GRIA1: variants seen among roughly 807,000 people sequenced by gnomAD.
GRIA1 encodes the protein glutamate ionotropic receptor AMPA type subunit 1.
Under a neutral mutation model 99.2 loss-of-function variants are expected in GRIA1, and 31 were observed. That is an observed-to-expected ratio of 0.31 (90% confidence interval 0.23 to 0.42). The LOEUF (loss-of-function observed/expected upper bound fraction) is 0.42, where lower values mean the gene tolerates loss of function less well. GRIA1 is among the 10% of genes least tolerant of loss of function. GRIA1 has a pLI of 1.00. For synonymous variants in GRIA1, 438 were observed against 432.4 expected, an observed-to-expected ratio of 1.01 and a Z score of -0.16; for missense variants, 782 against 1,157.5, an observed-to-expected ratio of 0.68 and a Z score of 4.71.
intron 13 of GRIA1, among the ~76,000 whole-genome samples, chr5:153,778,372 C>A (rs1764409334): frequency 6.6e-6 from 1 of 151,992 alleles, no homozygotes; most frequent in South Asian, 2.1e-4. Flanking sequence ...GTGGCAAGCG[C>A]TTTATTTAGC....
At chr5:153,558,407 C>T (rs748430799) in intron 2 of GRIA1, among the ~76,000 whole-genome samples, 3 of 152,048 alleles carry the variant, frequency 2.0e-5, no homozygotes, top group Non-Finnish European at 4.4e-5. Flanking sequence ...CCCCTGCAAC[C>T]CCAGCCTCTG....
chr5:153,491,635 T>A (rs1379820346), intron 1 of GRIA1, among the ~76,000 whole-genome samples: 1 of 152,046 alleles, frequency 6.6e-6, no homozygotes, highest in Non-Finnish European at 1.5e-5. Flanking sequence ...GCCTGCCTTT[T>A]CTCCGTTCCT....
At chr5:153,743,529 G>A (rs1255711338) in intron 11 of GRIA1, among the ~76,000 whole-genome samples, 2 of 152,104 alleles carry the variant, frequency 1.3e-5, no homozygotes, top group East Asian at 3.9e-4. Context: ...TGCCACTGGG[G>A]ACCACTCTCA....
intron 14 of GRIA1, chr5:153,795,640 G>A (rs751639236): frequency 7.8e-6 from 8 of 1,028,184 alleles, no homozygotes; most frequent in Admixed American, 7.2e-5. Context: ...AAAATGCACA[G>A]TGTTGAACAG....
intron 5 of GRIA1, among the ~76,000 whole-genome samples, chr5:153,672,646 C>A (rs539627343): frequency 2.2e-4 from 34 of 152,212 alleles, no homozygotes; most frequent in African/African-American, 7.5e-4. Flanking sequence ...ATCATAAAGT[C>A]TATTCTTTTA....
intron 2 of GRIA1, among the ~76,000 whole-genome samples, chr5:153,604,606 C>G (rs1418463193): frequency 6.6e-6 from 1 of 152,168 alleles, no homozygotes; most frequent in Non-Finnish European, 1.5e-5. Flanking sequence ...CACTGTCTCT[C>G]CAAACAGAAC....
chr5:153,748,453 G>C (rs941492651), intron 11 of GRIA1, among the ~76,000 whole-genome samples: 1 of 152,162 alleles, frequency 6.6e-6, no homozygotes, highest in Non-Finnish European at 1.5e-5. Context: ...GACAAGACGC[G>C]GGCTGGCTCA....
intron 2 of GRIA1, among the ~76,000 whole-genome samples, chr5:153,565,350 T>C (rs903070780): frequency 6.6e-6 from 1 of 152,192 alleles, no homozygotes; most frequent in Non-Finnish European, 1.5e-5. Flanking sequence ...CAAAGAAAAG[T>C]GCTTCAATAA....
intron 2 of GRIA1, among the ~76,000 whole-genome samples, chr5:153,501,858 G>T (rs1755043046): frequency 6.6e-6 from 1 of 152,236 alleles, no homozygotes; most frequent in Admixed American, 6.5e-5. Context: ...AGTGCCTGGA[G>T]AACTGGTGAG....
chr5:153,652,327 TTAC>T (rs1754633373), intron 4 of GRIA1, among the ~76,000 whole-genome samples: 1 of 152,206 alleles, frequency 6.6e-6, no homozygotes, highest in Non-Finnish European at 1.5e-5. Flanking sequence ...ACAGTAGCTA[TTAC>T]TACTATTTTT....
chr5:153,663,880 G>T (rs76352498), intron 5 of GRIA1, among the ~76,000 whole-genome samples: 7,122 of 152,284 alleles, frequency 0.047, 183 homozygotes, highest in Middle Eastern at 0.088. Context: ...CACTTGGTGT[G>T]TGTATCTTTC....
Position 153,686,289 on chromosome 5 carries a change from C to G in GRIA1, c.1094C>G (p.Thr365Arg), listed in dbSNP as rs754987353. The change falls in exon 8 of 16, where the codon ACG becomes AGG. Residue 365 changes from threonine (T) to arginine (R), a missense_variant. Transcript: ENST00000285900. ...GAGAAAGGACGCCGGACCAACTACACGCTCCACGTGATTGAAATGAAACAT... is the reference window on the plus strand; with the variant it reads ...GAGAAAGGACGCCGGACCAACTACAGGCTCCACGTGATTGAAATGAAACAT... Reference protein sequence around the residue: ...FNEKGRRTNYTLHVIEMKHDG... With the variant: ...FNEKGRRTNYRLHVIEMKHDG... The G allele has an allele frequency of 1.9e-6, 3 of 1,613,878 alleles. No homozygotes were observed. The East Asian group carries it at 6.7e-5, about 36-fold the overall frequency.
chr5:153,604,752 A>T (rs1249242314), intron 2 of GRIA1, among the ~76,000 whole-genome samples: 1 of 152,176 alleles, frequency 6.6e-6, no homozygotes, highest in Non-Finnish European at 1.5e-5. Flanking sequence ...CGGTAGGAAA[A>T]ATCTTCTTAA....
At chr5:153,511,376 A>G (rs976704429) in intron 2 of GRIA1, among the ~76,000 whole-genome samples, 2 of 152,132 alleles carry the variant, frequency 1.3e-5, no homozygotes, top group African/African-American at 2.4e-5. Context: ...ATGTATAGGA[A>G]ATGTTGAATA....
chr5:153,721,497 T>G (rs1051663291), intron 11 of GRIA1, among the ~76,000 whole-genome samples: 7 of 152,222 alleles, frequency 4.6e-5, no homozygotes, highest in African/African-American at 1.7e-4. Flanking sequence ...GAATCTCAGG[T>G]AACTCTTTTT....
At chr5:153,631,115 A>G (rs540063890) in intron 2 of GRIA1, among the ~76,000 whole-genome samples, 1 of 152,362 alleles carries the variant, frequency 6.6e-6, no homozygotes, top group Non-Finnish European at 1.5e-5. Flanking sequence ...TGTGTTGTGC[A>G]TTAGATAGAT....
chr5:153,592,947 G>A (rs1764098816), intron 2 of GRIA1, among the ~76,000 whole-genome samples: 1 of 152,052 alleles, frequency 6.6e-6, no homozygotes, highest in Non-Finnish European at 1.5e-5. Flanking sequence ...CTCATCATGG[G>A]GCTCCACCCT....
intron 2 of GRIA1, among the ~76,000 whole-genome samples, chr5:153,517,233 A>T (rs1012234452): frequency 6.6e-6 from 1 of 152,142 alleles, no homozygotes; most frequent in Non-Finnish European, 1.5e-5. Flanking sequence ...TGAATATTCA[A>T]TTGAACTTGT....
At chr5:153,677,985 T>C (rs990880699) in intron 7 of GRIA1, among the ~76,000 whole-genome samples, 3 of 152,194 alleles carry the variant, frequency 2.0e-5, no homozygotes, top group African/African-American at 7.2e-5. Context: ...GAAGCTGTAT[T>C]TCCGAAGGGA....
Sources: gnomAD v4.1 joint callset for allele counts (sites outside exome capture counted in the v4.1 genomes callset) on GRCh38, gnomAD v4.1.1 for gene constraint, MANE v1.5 for transcripts, NCBI Gene and HGNC (gene_info 2026-07-23, HGNC 2026-07-21) for gene names.